UNC5B: variants seen among roughly 807,000 people sequenced by gnomAD.
The protein encoded by UNC5B is unc-5 netrin receptor B.
A neutral mutation model predicts 103.7 loss-of-function variants in UNC5B; 56 were observed. That is an observed-to-expected ratio of 0.54 (90% CI 0.44 to 0.67). UNC5B has a LOEUF of 0.67. UNC5B is among the 30% of genes least tolerant of loss of function. The pLI is 0.00. For synonymous variants in UNC5B, 577 were observed against 542.0 expected (o/e 1.06, Z -0.90); for missense variants, 1,194 against 1,284.5 (o/e 0.93, Z 1.08).
At chr10:71,294,786 T>G (rs1589204592) in intron 13 of UNC5B, among the ~76,000 whole-genome samples, 1 of 150,730 alleles carries the variant, frequency 6.6e-6, no homozygotes, top group Admixed American at 6.6e-5. Context: ...GAGGGAAGGG[T>G]CTTTTAGTAC....
chr10:71,238,138 G>GC (rs1459015210), intron 1 of UNC5B, among the ~76,000 whole-genome samples: 2 of 152,328 alleles, frequency 1.3e-5, no homozygotes, highest in East Asian at 1.9e-4. Context: ...AACTAGAGGT[G>GC]CTGGGAGCCC....
chr10:71,222,524 A>C (rs376792037), intron 1 of UNC5B, among the ~76,000 whole-genome samples: 19 of 151,746 alleles, frequency 1.3e-4, no homozygotes, highest in South Asian at 4.2e-4. Flanking sequence ...CCCCTCCTCC[A>C]CCCCCCGATT....
intron 1 of UNC5B, among the ~76,000 whole-genome samples, chr10:71,245,969 GCTCCCTC>G (rs1844022998): frequency 6.6e-6 from 1 of 152,208 alleles, no homozygotes; most frequent in Non-Finnish European, 1.5e-5. Flanking sequence ...GGGCGTCATG[GCTCCCTC>G]CTCTCTGTAT....
At chr10:71,259,009 G>A (rs1844354267) in intron 1 of UNC5B, among the ~76,000 whole-genome samples, 1 of 152,238 alleles carries the variant, frequency 6.6e-6, no homozygotes, top group South Asian at 2.1e-4. Context: ...ATGTCACCAG[G>A]GTCCCATCGG....
intron 1 of UNC5B, among the ~76,000 whole-genome samples, chr10:71,250,271 G>C (rs981236034): frequency 6.6e-6 from 1 of 152,210 alleles, no homozygotes; most frequent in African/African-American, 2.4e-5. Context: ...CGAGCCTCCG[G>C]CCGTTCTGCT....
intron 1 of UNC5B, among the ~76,000 whole-genome samples, chr10:71,214,007 G>C (rs1843285485): frequency 6.6e-6 from 1 of 152,048 alleles, no homozygotes; most frequent in Non-Finnish European, 1.5e-5. Flanking sequence ...TGGCTGGGCT[G>C]CGTCTTCTCG....
At chr10:71,267,884 T>C (rs1246978530) in intron 1 of UNC5B, among the ~76,000 whole-genome samples, 1 of 152,236 alleles carries the variant, frequency 6.6e-6, no homozygotes, top group Non-Finnish European at 1.5e-5. Context: ...ACAGGAACCA[T>C]GGCCTGCATG....
chr10:71,279,764 G>A, intron 1 of UNC5B, 57 bp from the exon 2 acceptor site: 1 of 1,553,610 alleles, frequency 6.4e-7, no homozygotes, highest in Non-Finnish European at 8.7e-7. Context: ...GTGGGCGAGG[G>A]GTGCCACAGG....
In UNC5B at chr10:71,287,642, A is replaced by G. The variant is rs377701334; in HGVS notation, c.778A>G (p.Asn260Asp). The G allele has an allele frequency of 8.1e-6, 13 of 1,612,022 alleles. No individual in the cohort carries two copies. The highest frequency in any genetic ancestry group is 1.1e-5 in the Non-Finnish European group (13 of 1,179,300). Residue 260 changes from asparagine to aspartate, a missense_variant, in exon 6 of 17, where the codon AAC (asparagine) becomes GAC (aspartate). Asn to Asp is a conservative substitution (Grantham distance 23, BLOSUM62 1). Coordinates refer to ENST00000335350, the MANE Select transcript of UNC5B (RefSeq NM_170744.5). The part of the protein sequence containing the change: ...SSWAEWSPCS[N>D]RCGRGWQKRT... ...CTGGGCAGAGTGGTCACCCTGCTCC[A>G]ACCGCTGTGGCCGAGGCTGGCAGAA...
chr10:71,248,202 C>T, intron 1 of UNC5B, among the ~76,000 whole-genome samples: 1 of 152,118 alleles, frequency 6.6e-6, no homozygotes, highest in Non-Finnish European at 1.5e-5. Context: ...CTCCCTGGGT[C>T]CTGTCTCTGA....
intron 1 of UNC5B, among the ~76,000 whole-genome samples, chr10:71,218,733 C>T (rs957127639): frequency 1.3e-5 from 2 of 152,200 alleles, no homozygotes; most frequent in African/African-American, 4.8e-5. Flanking sequence ...ATGGGAGCGG[C>T]TGTGGTTTGG....
intron 1 of UNC5B, among the ~76,000 whole-genome samples, chr10:71,226,260 A>G (rs1400024022): frequency 6.6e-6 from 1 of 152,106 alleles, no homozygotes; most frequent in Non-Finnish European, 1.5e-5. Context: ...TTTTTAGTAG[A>G]GATGGGGTTT....
intron 1 of UNC5B, among the ~76,000 whole-genome samples, chr10:71,269,502 G>A (rs1024652462): frequency 3.3e-5 from 5 of 152,008 alleles, no homozygotes; most frequent in African/African-American, 1.2e-4. Flanking sequence ...CCATCAGTTA[G>A]TGGAGTCCTG....
In UNC5B at chr10:71,227,232, G is replaced by A. The variant is rs572952424; in HGVS notation, c.79+14168G>A. 9.2e-5 allele frequency among the ~76,000 whole-genome samples: 14 copies of A among 152,194 alleles called. 1 individual carries two copies. Among genetic ancestry groups the A allele is most frequent in the African/African-American group, 3.1e-4 (13 of 41,506 alleles). On this transcript the variant is annotated intron_variant, in intron 1 of 16. Coordinates refer to ENST00000335350, the MANE Select transcript of UNC5B (RefSeq NM_170744.5). Reference sequence around the variant, plus strand: ...ACTCCTGACCTCAGGTGATCTGCCCGCCTCAGCCTCTCAAAGTGCTGGGAT... The same window carrying A: ...ACTCCTGACCTCAGGTGATCTGCCCACCTCAGCCTCTCAAAGTGCTGGGAT...
Position 71,296,859 on chromosome 10 carries a change from G to GC in UNC5B, c.2490+118dup, listed in dbSNP as rs1431598966. On this transcript the variant is annotated intron_variant, in intron 15 of 16. Transcript: ENST00000335350. ...CTGGCGGAGGTGAGGGAAGGGTGGGGCAGATATTCCAGCTGCACACCACGC... is the reference window on the plus strand; with the variant it reads ...CTGGCGGAGGTGAGGGAAGGGTGGGGCCAGATATTCCAGCTGCACACCACGC... The GC allele has an allele frequency of 7.8e-3, 3,610 of 465,244 alleles. 3 individuals carry two copies. Among genetic ancestry groups the GC allele is most frequent in the Middle Eastern group, 9.9e-3 (17 of 1,722 alleles). 28.8% of individuals were successfully genotyped at this position (465,244 alleles called of 1,614,324 possible). A position where few individuals can be genotyped will look rare whatever the true frequency, so the allele number is the denominator to read the frequency against.
chr10:71,219,643 C>A lies in UNC5B; in HGVS notation c.79+6579C>A, dbSNP rs573564667. On this transcript the variant is annotated intron_variant, in intron 1 of 16. Transcript: ENST00000335350. ...CCCAGGATCAATACTTTGCATCCTT[C>A]CATCCAATCAAGTTGACACTCAGTA... 2.6e-5 allele frequency among the ~76,000 whole-genome samples: 4 copies of A among 152,336 alleles called. No homozygotes were observed. In the South Asian group the frequency reaches 8.3e-4, roughly 32 times the overall value.
intron 1 of UNC5B, among the ~76,000 whole-genome samples, chr10:71,246,519 A>T (rs543244461): frequency 1.6e-4 from 24 of 152,022 alleles, no homozygotes; most frequent in Non-Finnish European, 2.8e-4. Flanking sequence ...TACATATTCA[A>T]TATCTATTCA....
chr10:71,269,070 A>G (rs561758569), intron 1 of UNC5B, among the ~76,000 whole-genome samples: 15 of 152,196 alleles, frequency 9.9e-5, no homozygotes, highest in Non-Finnish European at 1.3e-4. Flanking sequence ...TGTTCTGCTT[A>G]TGATTCAAAA....
chr10:71,288,416 C>T (rs898803304), intron 6 of UNC5B, 152 bp from the exon 7 acceptor site: 1 of 1,197,394 alleles, frequency 8.4e-7, no homozygotes, highest in East Asian at 2.4e-5. Flanking sequence ...ATGTGGATTT[C>T]TCTGTGTGGC....
Sources: gnomAD v4.1 joint callset for allele counts (sites outside exome capture counted in the v4.1 genomes callset) on GRCh38, gnomAD v4.1.1 for gene constraint, MANE v1.5 for transcripts, NCBI Gene and HGNC (gene_info 2026-07-23, HGNC 2026-07-21) for gene names.